Variants in TMEM50B observed in about 807,000 individuals in gnomAD.
TMEM50B encodes the protein transmembrane protein 50B.
Under a neutral mutation model 23.4 loss-of-function variants are expected in TMEM50B, and 14 were observed. That is an observed-to-expected ratio of 0.60 (90% CI 0.39 to 0.93). The LOEUF is 0.93. Ranked by LOEUF, TMEM50B falls within the 40% of genes least tolerant of loss-of-function variation. The pLI is 0.00. For missense variants in TMEM50B, 159 were observed against 193.0 expected, an observed-to-expected ratio of 0.82 and a Z score of 1.04; for synonymous variants, 64 against 62.3, an observed-to-expected ratio of 1.03 and a Z score of -0.13.
downstream of TMEM50B, among the ~76,000 whole-genome samples, chr21:33,447,593 A>G (rs976737542): frequency 2.6e-5 from 4 of 151,978 alleles, no homozygotes; most frequent in Non-Finnish European, 4.4e-5. Flanking sequence ...GGGCCAAATT[A>G]TATGGTTTGA....
intron 7 of TMEM50B, among the ~76,000 whole-genome samples, chr21:33,441,118 T>C (rs1218678062): frequency 6.6e-6 from 1 of 151,456 alleles, no homozygotes; most frequent in Non-Finnish European, 1.5e-5. Context: ...TAATCACAGC[T>C]ATTCAGGAGG....
In TMEM50B at chr21:33,461,782, G is replaced by A. The variant is rs111809629; in HGVS notation, c.281-1277C>T. Among the ~76,000 whole-genome samples the A allele has an allele frequency of 8.1e-3, 1,222 of 150,010 alleles. 16 individuals are homozygous for A. The highest frequency in any genetic ancestry group is 0.028 in the African/African-American group (1,143 of 41,084). ...ATCATGCCACTACACTCTAGCCTGC[G>A]CAACAAAGCAAAACTGTTTCAAAAA... On this transcript the variant is annotated intron_variant, in intron 4 of 6. Transcript: ENST00000542230.
chr21:33,448,996 C>G (rs1474810154), downstream of TMEM50B: 7 of 151,940 alleles, frequency 4.6e-5, no homozygotes, highest in Non-Finnish European at 1.0e-4. Flanking sequence ...CCTTCAATAA[C>G]CCTCACATAA....
Position 33,450,574 on chromosome 21 carries a change from C to T in TMEM50B, c.*244G>A, listed in dbSNP as rs2084110044. 2.7e-6 allele frequency: 1 copy of T among 369,564 alleles called. No homozygotes were observed. Among genetic ancestry groups the T allele is most frequent in the Admixed American group, 4.5e-5 (1 of 22,274 alleles). 22.9% of individuals were successfully genotyped at this position (369,564 alleles called of 1,614,324 possible). A position where few individuals can be genotyped will look rare whatever the true frequency, so the allele number is the denominator to read the frequency against. ...AGGGAGTAGATCAAGTTCTAAATCT[C>T]AGGAATAAAAAACTGATACTCATTA... On this transcript the variant is annotated 3_prime_UTR_variant, in exon 7 of 7. Coordinates refer to ENST00000542230, the MANE Select transcript of TMEM50B (RefSeq NM_006134.7).
chr21:33,435,173 G>T (rs908840671), intron 8 of TMEM50B, among the ~76,000 whole-genome samples: 2 of 152,198 alleles, frequency 1.3e-5, no homozygotes, highest in Non-Finnish European at 2.9e-5. Flanking sequence ...AAGCCTGCGG[G>T]AGCAAAAGGG....
intron 4 of TMEM50B, among the ~76,000 whole-genome samples, chr21:33,461,254 C>A (rs1004812033): frequency 6.6e-6 from 1 of 152,064 alleles, no homozygotes; most frequent in African/African-American, 2.4e-5. Context: ...ACTAAATTTG[C>A]CTCAGTTGCA....
intron 6 of TMEM50B, among the ~76,000 whole-genome samples, chr21:33,451,250 A>T (rs1359810116): frequency 1.3e-5 from 2 of 152,182 alleles, no homozygotes; most frequent in Admixed American, 6.5e-5. Context: ...AAATTACAGT[A>T]ACTGAAGCAC....
chr21:33,475,218 C>T (rs561807586), intron 1 of TMEM50B, among the ~76,000 whole-genome samples: 14 of 152,182 alleles, frequency 9.2e-5, no homozygotes, highest in South Asian at 2.1e-4. Context: ...TGAGCCACTG[C>T]GGCTGGCCAA....
intron 1 of TMEM50B, among the ~76,000 whole-genome samples, chr21:33,473,443 A>G (rs1211185764): frequency 6.9e-6 from 1 of 145,334 alleles, no homozygotes; most frequent in Admixed American, 7.3e-5. Context: ...AAAAAGTGAG[A>G]CTCTGTCTCG....
chr21:33,447,306 A>C (rs988011778), downstream of TMEM50B, among the ~76,000 whole-genome samples: 5 of 152,128 alleles, frequency 3.3e-5, no homozygotes, highest in African/African-American at 1.2e-4. Context: ...AACTAAATCT[A>C]AAAAGGAGAG....
At chr21:33,478,647 G>A in intron 1 of TMEM50B, among the ~76,000 whole-genome samples, 1 of 152,024 alleles carries the variant, frequency 6.6e-6, no homozygotes, top group East Asian at 1.9e-4. Flanking sequence ...AGAAATATAC[G>A]TCCCCACCTC....
chr21:33,470,730 A>T (rs1377122536), intron 1 of TMEM50B, among the ~76,000 whole-genome samples: 1 of 152,112 alleles, frequency 6.6e-6, no homozygotes, highest in Non-Finnish European at 1.5e-5. Context: ...CATCTCAAAA[A>T]AGAAAAAAAA....
chr21:33,464,484 G>T (rs560195323), intron 4 of TMEM50B, among the ~76,000 whole-genome samples: 1 of 147,918 alleles, frequency 6.8e-6, no homozygotes, highest in South Asian at 2.2e-4. Flanking sequence ...ACAGGCGTGA[G>T]CCACTGCGCC....
At chr21:33,459,272 A>G (rs1365676001) in intron 5 of TMEM50B, among the ~76,000 whole-genome samples, 7 of 152,198 alleles carry the variant, frequency 4.6e-5, no homozygotes, top group Admixed American at 6.5e-5. Flanking sequence ...GCATGGTGTA[A>G]TAAGAGCTCA....
At chr21:33,455,966 G>A in intron 5 of TMEM50B, 182 bp from the exon 6 acceptor site, 2 of 704,466 alleles carry the variant, frequency 2.8e-6, no homozygotes, top group Admixed American at 4.2e-5. Flanking sequence ...CCAAAGCAAA[G>A]GACTGCTCTT....
At chr21:33,469,331 A>G (rs928041632) in intron 1 of TMEM50B, among the ~76,000 whole-genome samples, 2 of 152,184 alleles carry the variant, frequency 1.3e-5, no homozygotes, top group African/African-American at 4.8e-5. Context: ...CATGCCTGTA[A>G]TCACAGCTAC....
chr21:33,433,182 G>A lies in TMEM50B; in HGVS notation c.*2121-380C>T, dbSNP rs1191026671. ...ATTACAGGCGGGAGCCACTGCGCCC[G>A]GCCACGCAGACATCTTAATGGTGAC... On this transcript the variant is annotated intron_variant and NMD_transcript_variant, in intron 8 of 8. Coordinates refer to the TMEM50B transcript ENST00000420455. 3.3e-5 allele frequency among the ~76,000 whole-genome samples: 5 copies of A among 152,126 alleles called. No homozygotes were observed. In the East Asian group the frequency reaches 7.7e-4, roughly 24 times the overall value.
intron 8 of TMEM50B, among the ~76,000 whole-genome samples, chr21:33,438,709 T>C (rs2123389370): frequency 6.8e-6 from 1 of 147,966 alleles, no homozygotes; most frequent in Non-Finnish European, 1.5e-5. Flanking sequence ...GTTGGGGCCC[T>C]GTACTGCTGG....
chr21:33,434,842 T>C (rs1256199134), intron 8 of TMEM50B, among the ~76,000 whole-genome samples: 2 of 152,102 alleles, frequency 1.3e-5, no homozygotes, highest in Non-Finnish European at 1.5e-5. Flanking sequence ...AATCTCTCTC[T>C]CTCCTGGTAG....
Sources: allele counts gnomAD v4.1 joint callset (sites outside exome capture counted in the v4.1 genomes callset), GRCh38; gene constraint gnomAD v4.1.1; transcripts MANE v1.5; gene names NCBI Gene and HGNC (gene_info 2026-07-23, HGNC 2026-07-21).